Variants in PDE7B observed in about 807,000 individuals in gnomAD.
The protein encoded by PDE7B is 3',5'-cyclic-AMP phosphodiesterase 7B.
A neutral mutation model predicts 56.2 loss-of-function variants in PDE7B; 29 were observed. The observed-to-expected ratio is 0.52, with a 90% CI of 0.38 to 0.70. PDE7B has a LOEUF of 0.70. Ranked by LOEUF, PDE7B falls within the 30% of genes least tolerant of loss-of-function variation. The pLI is 0.00. For synonymous variants in PDE7B, 197 were observed against 196.9 expected (o/e 1.00, Z 0.00); for missense variants, 490 against 565.0 (o/e 0.87, Z 1.35).
intron 2 of PDE7B, among the ~76,000 whole-genome samples, chr6:136,077,644 A>C (rs1777145736): frequency 6.6e-6 from 1 of 152,236 alleles, no homozygotes; most frequent in Non-Finnish European, 1.5e-5. Flanking sequence ...TTCTTAATGA[A>C]TATTAATCTT....
chr6:136,055,477 G>A (rs573689108), intron 2 of PDE7B, among the ~76,000 whole-genome samples: 4 of 152,184 alleles, frequency 2.6e-5, no homozygotes, highest in Non-Finnish European at 5.9e-5. Flanking sequence ...AAAAATTCAA[G>A]TTGTGTTAAA....
At chr6:136,014,208 A>G (rs1775938215) in intron 2 of PDE7B, among the ~76,000 whole-genome samples, 1 of 152,240 alleles carries the variant, frequency 6.6e-6, no homozygotes, top group Admixed American at 6.5e-5. Flanking sequence ...GAAACTTGAA[A>G]TATAGAGGAA....
At chr6:135,976,133 T>C (rs1424070294) in intron 2 of PDE7B, among the ~76,000 whole-genome samples, 4 of 152,148 alleles carry the variant, frequency 2.6e-5, no homozygotes, top group Non-Finnish European at 5.9e-5. Context: ...ATAATCAAAC[T>C]AGTTACAAAT....
chr6:135,858,667 G>C (rs1466530236), intron 1 of PDE7B, among the ~76,000 whole-genome samples: 1 of 152,034 alleles, frequency 6.6e-6, no homozygotes, highest in Non-Finnish European at 1.5e-5. Context: ...AAAATGAGGG[G>C]CTTGGTCAAG....
At chr6:136,107,854 C>T (rs975793113) in intron 2 of PDE7B, among the ~76,000 whole-genome samples, 1 of 152,022 alleles carries the variant, frequency 6.6e-6, no homozygotes, top group South Asian at 2.1e-4. Flanking sequence ...ACCAGCCAGG[C>T]GTGGTGGCTC....
At chr6:136,111,744 G>A (rs182074060) in intron 3 of PDE7B, among the ~76,000 whole-genome samples, 15 of 152,252 alleles carry the variant, frequency 9.9e-5, no homozygotes, top group Admixed American at 5.2e-4. Flanking sequence ...GGATTTTCTC[G>A]TAGAACTTTT....
intron 12 of PDE7B, among the ~76,000 whole-genome samples, chr6:136,187,811 ACTTT>A (rs1378585719): frequency 1.3e-5 from 2 of 152,204 alleles, no homozygotes; most frequent in Non-Finnish European, 2.9e-5. Flanking sequence ...CTTCGGTAAG[ACTTT>A]CTATCACACC....
intron 3 of PDE7B, among the ~76,000 whole-genome samples, chr6:136,144,201 C>T (rs1190431174): frequency 1.3e-5 from 2 of 152,002 alleles, no homozygotes; most frequent in Admixed American, 6.6e-5. Flanking sequence ...TTGTTTCAAA[C>T]TTCTTCTTCA....
chr6:136,191,873 G>T lies in PDE7B; in HGVS notation c.*33G>T. The T allele has an allele frequency of 1.3e-6, 2 of 1,504,766 alleles. No individual in the cohort carries two copies. Among genetic ancestry groups the T allele is most frequent in the South Asian group, 1.2e-5 (1 of 82,980 alleles). 93.2% of individuals were successfully genotyped at this position (1,504,766 alleles called of 1,614,324 possible). A position where few individuals can be genotyped will look rare whatever the true frequency, so the allele number is the denominator to read the frequency against. ...CCCAACTTAGACGCGGCTCTCCTCC[G>T]GCAGGGCCCCCAGAGGGCAGAAGCA... On this transcript the variant is annotated 3_prime_UTR_variant, in exon 13 of 13. Transcript: ENST00000308191.
rs537901409 is a variant in PDE7B at position 135,871,506 on chromosome 6, G to C, written c.21+19487G>C. Among the ~76,000 whole-genome samples the C allele has an allele frequency of 1.4e-4, 21 of 152,336 alleles. No individual in the cohort carries two copies. In the South Asian group the frequency reaches 3.9e-3, roughly 29 times the overall value. On this transcript the variant is annotated intron_variant, in intron 1 of 12. Coordinates refer to ENST00000308191, the MANE Select transcript of PDE7B (RefSeq NM_018945.4). The stretch of plus-strand genomic sequence containing the variant: ...CTCAGCAAAGCAAGGACAGAGAGTT[G>C]CCTATTGGGTGGGGTGGGAGGAGCT...
chr6:135,870,451 T>C (rs1431745749), intron 1 of PDE7B, among the ~76,000 whole-genome samples: 3 of 151,914 alleles, frequency 2.0e-5, no homozygotes, highest in Admixed American at 6.6e-5. Context: ...TGTGTGTGTG[T>C]GCACACAGGC....
intron 1 of PDE7B, among the ~76,000 whole-genome samples, chr6:135,880,741 T>C (rs1358252039): frequency 1.3e-5 from 2 of 152,180 alleles, no homozygotes; most frequent in Non-Finnish European, 2.9e-5. Flanking sequence ...AAGAAATCTT[T>C]CAGCAAAGGG....
chr6:135,954,357 T>G (rs1774752371), intron 2 of PDE7B, among the ~76,000 whole-genome samples: 1 of 152,140 alleles, frequency 6.6e-6, no homozygotes, highest in African/African-American at 2.4e-5. Context: ...GGAGTGCATC[T>G]CTCGAGTGTG....
At position 136,195,297 on chromosome 6, in the gene PDE7B, A is replaced by C. The variant is rs1174191200; in HGVS notation, c.*3457A>C. 4.6e-5 allele frequency: 7 copies of C among 152,130 alleles called. No homozygotes were observed. The East Asian group carries it at 1.4e-3, about 29-fold the overall frequency. The allele number at this position is 152,130 out of a possible 1,614,324, so 9.4% of individuals were successfully genotyped here. A position where few individuals can be genotyped will look rare whatever the true frequency, so the allele number is the denominator to read the frequency against. ...TTTGTCTTCAGATAGTGCTTCCTACAAAACTAGGTCTTGTTTTGTAATCTT... is the reference window on the plus strand; with the variant it reads ...TTTGTCTTCAGATAGTGCTTCCTACCAAACTAGGTCTTGTTTTGTAATCTT... On this transcript the variant is annotated 3_prime_UTR_variant, in exon 13 of 13. Transcript: ENST00000308191.
intron 2 of PDE7B, among the ~76,000 whole-genome samples, chr6:135,986,031 TG>T (rs2128204666): frequency 6.6e-6 from 1 of 152,316 alleles, no homozygotes; most frequent in South Asian, 2.1e-4. Context: ...AGGTTCAGCC[TG>T]TGTTTTATAG....
intron 1 of PDE7B, among the ~76,000 whole-genome samples, chr6:135,881,268 T>C (rs2128188767): frequency 6.8e-6 from 1 of 147,402 alleles, no homozygotes; most frequent in South Asian, 2.1e-4. Context: ...GAGGCTGAAG[T>C]GGGCGGATCA....
chr6:135,981,258 G>A (rs1775289980), intron 2 of PDE7B, among the ~76,000 whole-genome samples: 1 of 135,130 alleles, frequency 7.4e-6, no homozygotes, highest in African/African-American at 2.8e-5. Context: ...CACAGGAAGG[G>A]GAACATCACA....
intron 1 of PDE7B, among the ~76,000 whole-genome samples, chr6:135,919,623 T>C (rs540524672): frequency 6.6e-6 from 1 of 152,324 alleles, no homozygotes; most frequent in African/African-American, 2.4e-5. Flanking sequence ...TATATTTTCT[T>C]TTTCCTAGTG....
At chr6:136,109,031 A>G (rs1037109639) in intron 3 of PDE7B, among the ~76,000 whole-genome samples, 1 of 152,138 alleles carries the variant, frequency 6.6e-6, no homozygotes, top group African/African-American at 2.4e-5. Flanking sequence ...CTGAGGGTCA[A>G]ATGAGATCAG....
Sources: gnomAD v4.1 joint callset for allele counts (sites outside exome capture counted in the v4.1 genomes callset) on GRCh38, gnomAD v4.1.1 for gene constraint, MANE v1.5 for transcripts, NCBI Gene and HGNC (gene_info 2026-07-23, HGNC 2026-07-21) for gene names.